The following TMBIM1 variants were observed in gnomAD, a reference collection of about 807,000 sequenced individuals.
The protein encoded by TMBIM1 is protein lifeguard 3.
TMBIM1 carries 34 observed loss-of-function variants against 45.1 expected under a neutral mutation model. The ratio of observed to expected loss-of-function variants is 0.75; its 90% CI spans 0.57 to 1.00. The LOEUF (loss-of-function observed/expected upper bound fraction) is 1.00, where lower values mean the gene tolerates loss of function less well. Ranked by LOEUF, TMBIM1 falls within the 50% of genes least tolerant of loss-of-function variation. The probability of loss-of-function intolerance (pLI) is 0.00; values close to 1 mark genes in which losing one functional copy is unlikely to be tolerated. For synonymous variants in TMBIM1, 157 were observed against 153.5 expected (o/e 1.02, Z -0.17); for missense variants, 374 against 402.4 (o/e 0.93, Z 0.60).
intron 1 of TMBIM1, chr2:218,284,396 C>A (rs560122649): frequency 6.6e-6 from 1 of 152,426 alleles, no homozygotes; most frequent in East Asian, 1.9e-4. Flanking sequence ...CTGCTCCCTC[C>A]TCTGAGCCAA....
chr2:218,277,966 A>T lies in TMBIM1; in HGVS notation c.482T>A (p.Phe161Tyr). The change falls in exon 7 of 12, where the codon TTC becomes TAC. Residue 161 changes from phenylalanine to tyrosine, a missense_variant. Physicochemically the swap from Phe to Tyr is conservative, Grantham distance 22. Transcript: ENST00000258412. ...GGTCAGCAGAATGATGTTCCATGGG[A>T]AACGGCGTCTGAAGGGAAAGAGAAG... ...LACCQGPRRR[F>Y]PWNIILLTLF... 6.2e-7 allele frequency: 1 copy of T among 1,614,188 alleles called. No individual in the cohort carries two copies. The highest frequency in any genetic ancestry group is 8.5e-7 in the Non-Finnish European group (1 of 1,180,012).
In TMBIM1 at chr2:218,281,976, G is replaced by A; in HGVS notation, c.166C>T (p.Pro56Ser). Residue 56 changes from proline to serine, a missense_variant, in exon 2 of 12, where the codon CCC becomes TCC. Transcript: ENST00000258412. ...GYGHPAGYPQ[P>S]MPPTHPMPMN... ...GGCATCGGGTGGGTGGGGGGCATGG[G>A]CTGTGGGTAGCCAGCAGGGTGACCG... is the stretch of plus-strand genomic sequence containing the variant. 4 of 1,605,334 alleles carry A rather than the reference G, an allele frequency of 2.5e-6. No homozygotes were observed. Among genetic ancestry groups the A allele is most frequent in the Non-Finnish European group, 3.4e-6 (4 of 1,176,982 alleles).
At chr2:218,283,603 CCAGAGGCTCT>C (rs1692239886) in intron 1 of TMBIM1, among the ~76,000 whole-genome samples, 1 of 152,180 alleles carries the variant, frequency 6.6e-6, no homozygotes, top group Admixed American at 6.5e-5. Flanking sequence ...TCAGCAGACA[CCAGAGGCTCT>C]CAGAGGCTCT....
intron 7 of TMBIM1, 52 bp from the exon 8 acceptor site, chr2:218,277,722 G>C: frequency 1.2e-6 from 2 of 1,610,992 alleles, no homozygotes; most frequent in Non-Finnish European, 1.7e-6. Flanking sequence ...AAGGAAGGCA[G>C]GGTGCTGGGG....
chr2:218,280,352 G>T (rs1442368776), intron 2 of TMBIM1: 2 of 487,570 alleles, frequency 4.1e-6, no homozygotes, highest in East Asian at 7.9e-5. Context: ...TGCATCTGTG[G>T]AGGGCTCCTG....
chr2:218,278,387 G>A (rs760088587), intron 6 of TMBIM1, 128 bp downstream of exon 6: 63 of 982,732 alleles, frequency 6.4e-5, no homozygotes, highest in Middle Eastern at 2.1e-4. Context: ...AGCTGTCATC[G>A]TCATCCTCCT....
At chr2:218,279,503 AG>A (rs1691638677) in intron 3 of TMBIM1, 150 bp from the exon 4 acceptor site, 2 of 614,576 alleles carry the variant, frequency 3.3e-6, no homozygotes, top group Non-Finnish European at 5.5e-6. Context: ...CCTGGCTCAG[AG>A]GCAATGTGCA....
intron 1 of TMBIM1, among the ~76,000 whole-genome samples, chr2:218,291,675 C>CCT (rs1692936785): frequency 6.6e-6 from 1 of 152,186 alleles, no homozygotes; most frequent in African/African-American, 2.4e-5. Context: ...CAGCAGCCTC[C>CCT]CTCTGCTTCC....
intron 5 of TMBIM1, 39 bp from the exon 6 acceptor site, chr2:218,278,604 T>C (rs2292552): frequency 0.39 from 629,250 of 1,612,054 alleles, 124,390 homozygotes; most frequent in Middle Eastern, 0.49. Flanking sequence ...CAGGCCCAAA[T>C]CTGCCCCGCT....
intron 1 of TMBIM1, chr2:218,289,930 A>G (rs1692825548): frequency 6.6e-6 from 1 of 152,168 alleles, no homozygotes; most frequent in African/African-American, 2.4e-5. Context: ...ATAACACTCT[A>G]GGAAAGAAAG....
At position 218,276,098 on chromosome 2, in the gene TMBIM1, G is replaced by A. The variant is rs1182847448; in HGVS notation, c.736-19C>T. ...AGTAAACCTGGAGAAGAAGGGGACA[G>A]AGAATGGCATTAGAAACCTCAGCAA... On this transcript the variant is annotated intron_variant, in intron 10 of 11. Coordinates refer to ENST00000258412, the MANE Select transcript of TMBIM1 (RefSeq NM_022152.6). 3 of 1,611,640 alleles carry A rather than the reference G, an allele frequency of 1.9e-6. No individual in the cohort carries two copies.
chr2:218,278,500 G>A lies in TMBIM1; in HGVS notation c.473+15C>T, dbSNP rs766469838. The A allele has an allele frequency of 3.7e-6, 6 of 1,613,772 alleles. No individual in the cohort carries two copies. Among genetic ancestry groups the A allele is most frequent in the Middle Eastern group, 1.7e-4 (1 of 6,056 alleles). ...CCTGTCACCCCTCTCACTGTGTTAA[G>A]TCTCTGGGACTCACCTGGGTCCCTG... On this transcript the variant is annotated intron_variant, in intron 6 of 11. Transcript: ENST00000258412.
At chr2:218,280,150 C>T (rs369721003) in intron 2 of TMBIM1, 24 bp from the exon 3 acceptor site, 5 of 1,563,012 alleles carry the variant, frequency 3.2e-6, no homozygotes, top group African/African-American at 1.3e-5. Flanking sequence ...ACACTTGACT[C>T]AGCTGGGGAC....
chr2:218,279,652 C>A, intron 3 of TMBIM1: 2 of 488,968 alleles, frequency 4.1e-6, no homozygotes, highest in Non-Finnish European at 7.3e-6. Flanking sequence ...GCTCAGTCTG[C>A]ACGCTCTATG....
intron 1 of TMBIM1, among the ~76,000 whole-genome samples, chr2:218,285,547 A>C (rs1032971839): frequency 1.1e-4 from 16 of 152,314 alleles, no homozygotes; most frequent in African/African-American, 3.8e-4. Flanking sequence ...TTGGAGATAC[A>C]TAAAGGTCAG....
At chr2:218,281,476 T>A (rs10932768) in intron 2 of TMBIM1, among the ~76,000 whole-genome samples, 53,522 of 152,114 alleles carry the variant, frequency 0.35, 9,858 homozygotes, top group Middle Eastern at 0.5. Flanking sequence ...GTCCCTGCCA[T>A]GATGTTTACC....
Position 218,275,310 on chromosome 2 carries a change from C to T in TMBIM1, c.*165G>A. On this transcript the variant is annotated 3_prime_UTR_variant, in exon 12 of 12. Coordinates refer to ENST00000258412, the MANE Select transcript of TMBIM1 (RefSeq NM_022152.6). ...CTCCTCCGTCCCCACCAAGTACCCA[C>T]ACATCCATAGCCAGAGAGGCCACCT... 1 of 868,104 alleles carries T rather than the reference C, an allele frequency of 1.2e-6. No homozygotes were observed. The highest frequency in any genetic ancestry group is 1.6e-6 in the Non-Finnish European group (1 of 608,882). 53.8% of individuals were successfully genotyped at this position (868,104 alleles called of 1,614,324 possible).
chr2:218,285,280 C>A (rs370979536), intron 1 of TMBIM1, among the ~76,000 whole-genome samples: 1 of 152,162 alleles, frequency 6.6e-6, no homozygotes, highest in Non-Finnish European at 1.5e-5. Flanking sequence ...GCCAAGATAA[C>A]CTAGCTAGAG....
chr2:218,288,574 T>G (rs541006062), intron 1 of TMBIM1, among the ~76,000 whole-genome samples: 4 of 152,176 alleles, frequency 2.6e-5, no homozygotes, highest in Non-Finnish European at 5.9e-5. Flanking sequence ...ATCTAAAACA[T>G]TTTGAGCACC....
Sources: gnomAD v4.1 joint callset for allele counts (sites outside exome capture counted in the v4.1 genomes callset) on GRCh38, gnomAD v4.1.1 for gene constraint, MANE v1.5 for transcripts, NCBI Gene and HGNC (gene_info 2026-07-23, HGNC 2026-07-21) for gene names.